The following KCNB2 variants were observed in gnomAD, a reference collection of about 807,000 sequenced individuals.
KCNB2 encodes potassium voltage-gated channel subfamily B member 2.
In KCNB2, 15 loss-of-function variants were observed where a neutral mutation model predicts 61.5. That is an observed-to-expected ratio of 0.24 (90% CI 0.16 to 0.38). The LOEUF (loss-of-function observed/expected upper bound fraction) is 0.38, where lower values mean the gene tolerates loss of function less well. Ranked by LOEUF, KCNB2 falls within the 10% of genes least tolerant of loss-of-function variation. The pLI, the probability that KCNB2 is intolerant of heterozygous loss-of-function variation, is 1.00. For missense variants in KCNB2, 828 were observed against 1,125.2 expected (o/e 0.74, Z 3.78); for synonymous variants, 457 against 446.0 (o/e 1.02, Z -0.31).
intron 2 of KCNB2, among the ~76,000 whole-genome samples, chr8:72,615,197 T>G (rs1805598672): frequency 6.6e-6 from 1 of 152,226 alleles, no homozygotes; most frequent in Non-Finnish European, 1.5e-5. Context: ...CATCATTTGT[T>G]TTCTCTGAAT....
chr8:72,702,004 T>C (rs1807137916), intron 2 of KCNB2, among the ~76,000 whole-genome samples: 1 of 152,162 alleles, frequency 6.6e-6, no homozygotes, highest in African/African-American at 2.4e-5. Flanking sequence ...TTTCTTCTTT[T>C]CAATTAGGTG....
At chr8:72,607,904 A>G (rs1805478295) in intron 2 of KCNB2, among the ~76,000 whole-genome samples, 1 of 152,238 alleles carries the variant, frequency 6.6e-6, no homozygotes, top group South Asian at 2.1e-4. Flanking sequence ...TAACTGGGTT[A>G]GTACATAAAA....
intron 1 of KCNB2, among the ~76,000 whole-genome samples, chr8:72,557,653 A>G (rs1442378152): frequency 6.6e-6 from 1 of 152,202 alleles, no homozygotes; most frequent in African/African-American, 2.4e-5. Flanking sequence ...TCACAGAACC[A>G]TAAAATTGCA....
At chr8:72,672,478 CTT>C (rs1806580996) in intron 2 of KCNB2, among the ~76,000 whole-genome samples, 1 of 152,086 alleles carries the variant, frequency 6.6e-6, no homozygotes, top group African/African-American at 2.4e-5. Context: ...TGACATTACT[CTT>C]TGAGAAATAA....
intron 2 of KCNB2, among the ~76,000 whole-genome samples, chr8:72,874,706 A>G (rs1325918327): frequency 6.6e-6 from 1 of 152,226 alleles, no homozygotes; most frequent in African/African-American, 2.4e-5. Flanking sequence ...CAGTCCTACA[A>G]GGCCCAAAGG....
chr8:72,805,491 T>G (rs1275571191), intron 2 of KCNB2, among the ~76,000 whole-genome samples: 2 of 152,206 alleles, frequency 1.3e-5, no homozygotes, highest in Non-Finnish European at 1.5e-5. Flanking sequence ...TTGAAGAACA[T>G]TATCTTAGAC....
At chr8:72,905,383 G>C (rs190051339) in intron 2 of KCNB2, among the ~76,000 whole-genome samples, 95 of 152,116 alleles carry the variant, frequency 6.2e-4, no homozygotes, top group African/African-American at 2.3e-3. Context: ...TGGAACTTAA[G>C]GAAAGACACT....
At chr8:72,851,826 G>GAAAAAAAAA (rs55696554) in intron 2 of KCNB2, among the ~76,000 whole-genome samples, 486 of 43,822 alleles carry the variant, frequency 0.011, 54 homozygotes, top group Admixed American at 0.029. Flanking sequence ...GAAGCTGTAG[G>GAAAAAAAAA]AAAAAAAAAA....
chr8:72,702,829 G>A (rs1311101217), intron 2 of KCNB2, among the ~76,000 whole-genome samples: 2 of 152,152 alleles, frequency 1.3e-5, no homozygotes, highest in Admixed American at 6.6e-5. Context: ...TCTGGAAGCA[G>A]CTGTGTCACC....
intron 2 of KCNB2, among the ~76,000 whole-genome samples, chr8:72,805,703 TA>T (rs1334770283): frequency 6.6e-6 from 1 of 152,188 alleles, no homozygotes; most frequent in Middle Eastern, 3.2e-3. Context: ...TTAAATGGTA[TA>T]ACCAACCAAA....
intron 2 of KCNB2, among the ~76,000 whole-genome samples, chr8:72,912,489 CAT>C (rs5892374): frequency 0.49 from 66,599 of 136,842 alleles, 15,742 homozygotes; most frequent in Admixed American, 0.54. Flanking sequence ...AGCTTTTATT[CAT>C]ATATATATAT....
At chr8:72,934,869 G>T (rs1806869257) in intron 2 of KCNB2, among the ~76,000 whole-genome samples, 1 of 151,700 alleles carries the variant, frequency 6.6e-6, no homozygotes, top group Non-Finnish European at 1.5e-5. Flanking sequence ...CATAAATCTA[G>T]AACACTGGGA....
chr8:72,806,273 A>T (rs1809219537), intron 2 of KCNB2, among the ~76,000 whole-genome samples: 1 of 151,484 alleles, frequency 6.6e-6, no homozygotes, highest in Middle Eastern at 3.4e-3. Flanking sequence ...CAGGAGAATC[A>T]CTGGAATCCA....
intron 2 of KCNB2, among the ~76,000 whole-genome samples, chr8:72,624,178 A>T (rs1805754037): frequency 6.6e-6 from 1 of 152,226 alleles, no homozygotes; most frequent in South Asian, 2.1e-4. Context: ...TTACAAATAT[A>T]TGCTAAGTTC....
intron 2 of KCNB2, among the ~76,000 whole-genome samples, chr8:72,834,999 T>C (rs1809759322): frequency 6.6e-6 from 1 of 152,186 alleles, no homozygotes; most frequent in Admixed American, 6.5e-5. Context: ...TTAGTGAATA[T>C]TCCTCTAGTG....
intron 2 of KCNB2, among the ~76,000 whole-genome samples, chr8:72,750,000 G>A (rs570939239): frequency 1.3e-5 from 2 of 151,716 alleles, no homozygotes; most frequent in East Asian, 3.9e-4. Flanking sequence ...AGGTCCACTA[G>A]AGTGAATTTT....
chr8:72,717,128 G>C (rs1807458180), intron 2 of KCNB2, among the ~76,000 whole-genome samples: 1 of 152,102 alleles, frequency 6.6e-6, no homozygotes, highest in South Asian at 2.1e-4. Flanking sequence ...CCTCTTCAAG[G>C]AGAACTACAA....
intron 2 of KCNB2, among the ~76,000 whole-genome samples, chr8:72,793,955 C>G (rs892972489): frequency 2.0e-5 from 3 of 152,116 alleles, no homozygotes; most frequent in African/African-American, 7.2e-5. Context: ...CTTAAGTAAG[C>G]CTTTGAAGGC....
intron 2 of KCNB2, among the ~76,000 whole-genome samples, chr8:72,704,100 A>G (rs1271884155): frequency 1.3e-5 from 2 of 152,208 alleles, no homozygotes; most frequent in African/African-American, 4.8e-5. Flanking sequence ...GTCAGTGACC[A>G]TGAAAAACAG....
Sources: gnomAD v4.1 joint callset for allele counts (sites outside exome capture counted in the v4.1 genomes callset) on GRCh38, gnomAD v4.1.1 for gene constraint, MANE v1.5 for transcripts, NCBI Gene and HGNC (gene_info 2026-07-23, HGNC 2026-07-21) for gene names.